FGF13: variants seen among roughly 807,000 people sequenced by gnomAD.
The protein encoded by FGF13 is fibroblast growth factor homologous factor 2.
FGF13 carries 2 observed loss-of-function variants against 19.5 expected under a neutral mutation model. The observed-to-expected ratio is 0.10, with a 90% CI of 0.04 to 0.32. The LOEUF is 0.32. Ranked by LOEUF, FGF13 falls within the 10% of genes least tolerant of loss-of-function variation. The pLI, the probability that FGF13 is intolerant of heterozygous loss-of-function variation, is 1.00. For synonymous variants in FGF13, 72 were observed against 76.9 expected (o/e 0.94, Z 0.33); for missense variants, 113 against 192.7 (o/e 0.59, Z 2.45).
chrX:138,780,026 A>G (rs1006698999), intron 3 of FGF13, among the ~76,000 whole-genome samples: 13 of 102,010 alleles, frequency 1.3e-4, no homozygotes, highest in African/African-American at 4.7e-4. Flanking sequence ...TCTTAAAGAA[A>G]AGAATTTTCA....
chrX:138,778,648 C>A (rs181700218), intron 3 of FGF13, among the ~76,000 whole-genome samples: 195 of 112,387 alleles, frequency 1.7e-3, no homozygotes, highest in African/African-American at 6.2e-3. Flanking sequence ...ATATCCCGCA[C>A]CTGGCTCGGA....
intron 1 of FGF13, among the ~76,000 whole-genome samples, chrX:138,984,812 T>C (rs867647946): frequency 6.4e-5 from 1 of 15,538 alleles, no homozygotes; most frequent in Non-Finnish European, 2.2e-4. Context: ...CCTATGTCAG[T>C]TCTGTGTGTG....
intron 1 of FGF13, among the ~76,000 whole-genome samples, chrX:138,919,421 C>G (rs1285292507): frequency 9.0e-6 from 1 of 111,586 alleles, no homozygotes; most frequent in Admixed American, 9.5e-5. Context: ...TTTGGCAGTG[C>G]CTTTCAAAAC....
At chrX:139,195,674 T>C (rs967790218) in intron 1 of FGF13, among the ~76,000 whole-genome samples, 7 of 112,299 alleles carry the variant, frequency 6.2e-5, no homozygotes, top group Non-Finnish European at 1.1e-4. Context: ...TTATTACCAT[T>C]GAGCAACAGT....
In FGF13 at chrX:138,626,386, C is replaced by T. The variant is rs1439636495; in HGVS notation, c.*6464G>A. On this transcript the variant is annotated 3_prime_UTR_variant, in exon 5 of 5. Transcript: ENST00000315930. ...CTGTTTTGTTTTATGTGACACAGAG[C>T]GTCTACACTTCCCTTCTGGCTGTTG... 8.9e-6 allele frequency: 1 copy of T among 112,176 alleles called. No individual in the cohort carries two copies. Among genetic ancestry groups the T allele is most frequent in the Non-Finnish European group, 1.9e-5 (1 of 53,237 alleles). 9.2% of individuals were successfully genotyped at this position (112,176 alleles called of 1,213,427 possible).
rs1469211607 is a variant in FGF13, at chrX:138,718,409, A to G, written c.29-9481T>C. On this transcript the variant is annotated intron_variant, in intron 1 of 4. Transcript: ENST00000305414. The stretch of plus-strand genomic sequence containing the variant: ...CTGGATTTAAGCCAATTCAGGAAAT[A>G]AAGTTACTGGAAGGTGACCTAAACT... Among the ~76,000 whole-genome samples, 3 of 111,817 alleles carry G rather than the reference A, an allele frequency of 2.7e-5. No individual in the cohort carries two copies. The East Asian group carries it at 8.4e-4, about 31-fold the overall frequency.
intron 1 of FGF13, 135 bp downstream of exon 1, chrX:138,710,682 C>G: frequency 9.4e-7 from 1 of 1,058,469 alleles, no homozygotes; most frequent in Non-Finnish European, 1.2e-6. Flanking sequence ...CCTTCCCACG[C>G]ACGCACACAG....
Position 138,619,594 on chromosome X carries a change from A to C in FGF13, c.*13256T>G, listed in dbSNP as rs961412137. 1 of 111,307 alleles carries C rather than the reference A, an allele frequency of 9.0e-6. No individual in the cohort carries two copies. The highest frequency in any genetic ancestry group is 3.3e-5 in the African/African-American group (1 of 30,583). The allele number at this position is 111,307 out of a possible 1,213,427, so 9.2% of individuals were successfully genotyped here. On this transcript the variant is annotated 3_prime_UTR_variant, in exon 5 of 5. Transcript: ENST00000315930. Reference sequence around the variant, plus strand: ...CATCTGACAACGGTCTAATATCCAGAATCTACAAGGAATTTAAGCAAATAT... The same window carrying C: ...CATCTGACAACGGTCTAATATCCAGCATCTACAAGGAATTTAAGCAAATAT...
rs767931781 is a variant in FGF13, at chrX:139,039,586, G to A, written c.-113+163830C>T. On this transcript the variant is annotated intron_variant, in intron 1 of 2. Transcript: ENST00000421460. ...AGGTAATGATCCAAAGATTGGAAAAGGTACAACTAAGGTAGTTTGTAACAG... is the reference window on the plus strand; with the variant it reads ...AGGTAATGATCCAAAGATTGGAAAAAGTACAACTAAGGTAGTTTGTAACAG... 2.7e-5 allele frequency among the ~76,000 whole-genome samples: 3 copies of A among 111,612 alleles called. No homozygotes were observed. The East Asian group carries it at 8.5e-4, about 32-fold the overall frequency.
intron 3 of FGF13, among the ~76,000 whole-genome samples, chrX:138,820,111 C>T (rs2124062760): frequency 9.0e-6 from 1 of 111,585 alleles, no homozygotes; most frequent in Non-Finnish European, 1.9e-5. Context: ...TAGTATTAAA[C>T]AAAAAGAATG....
intron 1 of FGF13, among the ~76,000 whole-genome samples, chrX:138,978,757 G>A (rs1042489705): frequency 4.5e-5 from 5 of 112,040 alleles, no homozygotes; most frequent in African/African-American, 1.6e-4. Flanking sequence ...TGCCTCCAAA[G>A]TCATACTGCT....
chrX:138,989,812 A>T (rs2124345707), intron 1 of FGF13, among the ~76,000 whole-genome samples: 1 of 111,374 alleles, frequency 9.0e-6, no homozygotes, highest in Non-Finnish European at 1.9e-5. Context: ...GAGTTATAAA[A>T]CTACTTCGAA....
At chrX:138,779,523 G>C (rs1378610223) in intron 3 of FGF13, among the ~76,000 whole-genome samples, 1 of 109,582 alleles carries the variant, frequency 9.1e-6, no homozygotes, top group Non-Finnish European at 1.9e-5. Context: ...GAATGCAGAA[G>C]CCTCAGGAGC....
At chrX:138,849,743 A>C (rs2091209961) in intron 3 of FGF13, among the ~76,000 whole-genome samples, 1 of 111,897 alleles carries the variant, frequency 8.9e-6, no homozygotes, top group African/African-American at 3.2e-5. Context: ...ACATCATCCC[A>C]AGAGCATGTT....
At chrX:138,751,973 AG>A (rs1404053644) in intron 3 of FGF13, among the ~76,000 whole-genome samples, 1 of 112,009 alleles carries the variant, frequency 8.9e-6, no homozygotes, top group Non-Finnish European at 1.9e-5. Flanking sequence ...GAATATGGAT[AG>A]CAGAACCTAC....
At chrX:138,784,309 G>A (rs2090675174) in intron 3 of FGF13, among the ~76,000 whole-genome samples, 1 of 97,161 alleles carries the variant, frequency 1.0e-5, no homozygotes, top group Non-Finnish European at 2.1e-5. Flanking sequence ...AAAACTTAAA[G>A]TATAATAATA....
chrX:139,028,687 C>CTG (rs2092213445), intron 1 of FGF13, among the ~76,000 whole-genome samples: 1 of 16,673 alleles, frequency 6.0e-5, no homozygotes, highest in African/African-American at 1.3e-4. Flanking sequence ...GTGTGAAAGA[C>CTG]AGTGTGTGTG....
intron 3 of FGF13, among the ~76,000 whole-genome samples, chrX:138,751,588 C>T (rs1012861723): frequency 2.7e-5 from 3 of 111,784 alleles, no homozygotes; most frequent in African/African-American, 9.8e-5. Context: ...TGGAGATATG[C>T]TTAAAGAGGG....
At chrX:138,925,873 C>G (rs1271342071) in intron 1 of FGF13, among the ~76,000 whole-genome samples, 1 of 111,514 alleles carries the variant, frequency 9.0e-6, no homozygotes, top group Non-Finnish European at 1.9e-5. Flanking sequence ...TTTCTGACAC[C>G]ACTGATCAAA....
Sources: gnomAD v4.1 joint callset for allele counts (sites outside exome capture counted in the v4.1 genomes callset) on GRCh38, gnomAD v4.1.1 for gene constraint, MANE v1.5 for transcripts, NCBI Gene and HGNC (gene_info 2026-07-23, HGNC 2026-07-21) for gene names.